The following RNF4 variants were observed in gnomAD, a reference collection of about 807,000 sequenced individuals.
RNF4 encodes ring finger protein 4, also known as E3 ubiquitin-protein ligase RNF4.
RNF4 carries 7 observed loss-of-function variants against 24.3 expected under a neutral mutation model. The observed-to-expected ratio is 0.29, with a 90% confidence interval of 0.16 to 0.54. The LOEUF (loss-of-function observed/expected upper bound fraction) is 0.54. Ranked by LOEUF, RNF4 falls within the 20% of genes least tolerant of loss-of-function variation. The pLI, the probability that RNF4 is intolerant of heterozygous loss-of-function variation, is 0.95. For missense variants in RNF4, 209 were observed against 248.5 expected (o/e 0.84, Z 1.07); for synonymous variants, 83 against 84.3 (o/e 0.98, Z 0.09).
chr4:2,485,207 T>G (rs1013365327), intron 1 of RNF4, among the ~76,000 whole-genome samples: 10 of 152,192 alleles, frequency 6.6e-5, no homozygotes, highest in African/African-American at 2.4e-4. Flanking sequence ...CTTGCTTAGG[T>G]CACCAGCGTC....
At chr4:2,482,756 T>C (rs1438683496) in intron 1 of RNF4, among the ~76,000 whole-genome samples, 1 of 152,206 alleles carries the variant, frequency 6.6e-6, no homozygotes, top group Non-Finnish European at 1.5e-5. Flanking sequence ...TCTGCTTTGA[T>C]CAAATTCATT....
rs552296430 is a variant in RNF4, at chr4:2,478,246, G to A, written c.-158+8988G>A. On this transcript the variant is annotated intron_variant, in intron 1 of 7. Transcript: ENST00000314289. ...AGTTAAAGGCATTCAGTTTTATAAG[G>A]GAAGCAGAGCATAAAAGTTTGGAAA... 2.7e-4 allele frequency among the ~76,000 whole-genome samples: 41 copies of A among 152,294 alleles called. No individual in the cohort carries two copies. The South Asian group carries it at 4.1e-3, about 15-fold the overall frequency.
At chr4:2,511,894 T>A (rs1460658439) in intron 4 of RNF4, 62 bp from the exon 5 acceptor site, 1 of 1,535,542 alleles carries the variant, frequency 6.5e-7, no homozygotes, top group African/African-American at 1.4e-5. Context: ...AATGGCTTCG[T>A]TTATCACTTA....
At chr4:2,490,730 A>G (rs1186263865) in intron 2 of RNF4, 13 of 480,856 alleles carry the variant, frequency 2.7e-5, no homozygotes, top group Non-Finnish European at 7.5e-6. Flanking sequence ...GCTGAGAAGG[A>G]ATAGCTTAGG....
At chr4:2,488,384 A>G (rs970398836) in intron 1 of RNF4, among the ~76,000 whole-genome samples, 2 of 152,136 alleles carry the variant, frequency 1.3e-5, no homozygotes, top group African/African-American at 4.8e-5. Context: ...AATCACTTGA[A>G]CCTGGGAGGT....
intron 2 of RNF4, chr4:2,494,579 T>A (rs1296786279): frequency 1.3e-5 from 2 of 151,934 alleles, no homozygotes; most frequent in Admixed American, 6.6e-5. Flanking sequence ...ATGGGGTTTC[T>A]ACGTGTTAGC....
chr4:2,507,463 G>A (rs1367589601), intron 4 of RNF4, among the ~76,000 whole-genome samples: 1 of 152,368 alleles, frequency 6.6e-6, no homozygotes, highest in Non-Finnish European at 1.5e-5. Flanking sequence ...TGCATGATGT[G>A]TGTAGCTGTT....
At chr4:2,482,491 T>G (rs1475146947) in intron 1 of RNF4, among the ~76,000 whole-genome samples, 1 of 152,188 alleles carries the variant, frequency 6.6e-6, no homozygotes, top group Non-Finnish European at 1.5e-5. Context: ...GAGTGGATCC[T>G]TAGGTTTCCT....
intron 1 of RNF4, among the ~76,000 whole-genome samples, chr4:2,477,477 T>G (rs1417000352): frequency 6.6e-6 from 1 of 152,052 alleles, no homozygotes; most frequent in Non-Finnish European, 1.5e-5. Context: ...TCCAGCTACT[T>G]GGGAGGCTGA....
rs116953145 is a variant in RNF4 at position 2,501,078 on chromosome 4, G to C, written c.204+340G>C. Among the ~76,000 whole-genome samples, 7 of 152,334 alleles carry C rather than the reference G, an allele frequency of 4.6e-5. No homozygotes were observed. The East Asian group carries it at 1.3e-3, about 29-fold the overall frequency. On this transcript the variant is annotated intron_variant, in intron 4 of 7. Transcript: ENST00000314289. The stretch of plus-strand genomic sequence containing the variant: ...GGAGAATCTCAAGACCCCCACATCT[G>C]TCTTCAGTCCCTGATTCCACAGTTT...
chr4:2,487,256 A>G (rs1013471189), intron 1 of RNF4, among the ~76,000 whole-genome samples: 2 of 151,932 alleles, frequency 1.3e-5, no homozygotes, highest in African/African-American at 4.8e-5. Flanking sequence ...ACAAGTGTGC[A>G]CCGTCACATC....
intron 1 of RNF4, among the ~76,000 whole-genome samples, chr4:2,489,613 C>T (rs888179029): frequency 1.3e-5 from 2 of 152,152 alleles, no homozygotes; most frequent in Non-Finnish European, 2.9e-5. Context: ...CCACTAGCAC[C>T]CAGCAGTGGG....
intron 4 of RNF4, among the ~76,000 whole-genome samples, chr4:2,507,628 C>T (rs1444824637): frequency 6.6e-6 from 1 of 152,124 alleles, no homozygotes; most frequent in Non-Finnish European, 1.5e-5. Context: ...AGGGGCCAGC[C>T]TGAGTGCACG....
chr4:2,482,470 G>A (rs563265840), intron 1 of RNF4, among the ~76,000 whole-genome samples: 5 of 152,296 alleles, frequency 3.3e-5, no homozygotes, highest in African/African-American at 7.2e-5. Flanking sequence ...TCTGCCCCTC[G>A]GCCTCCGGAG....
chr4:2,470,414 G>C (rs1734866870), intron 1 of RNF4, among the ~76,000 whole-genome samples: 1 of 152,220 alleles, frequency 6.6e-6, no homozygotes, highest in South Asian at 2.1e-4. Context: ...AGTTTTATCT[G>C]TGAGTTTGAG....
At chr4:2,483,985 C>T (rs1021914356) in intron 1 of RNF4, among the ~76,000 whole-genome samples, 1 of 136,904 alleles carries the variant, frequency 7.3e-6, no homozygotes, top group African/African-American at 2.7e-5. Flanking sequence ...CACCACCACA[C>T]CCAGCTAATT....
intron 1 of RNF4, among the ~76,000 whole-genome samples, chr4:2,479,162 A>G (rs1468048652): frequency 6.6e-6 from 1 of 152,154 alleles, no homozygotes; most frequent in Non-Finnish European, 1.5e-5. Context: ...AATTTCTCCC[A>G]TTTGGAATGG....
chr4:2,470,453 T>C (rs994152088), intron 1 of RNF4, among the ~76,000 whole-genome samples: 2 of 152,252 alleles, frequency 1.3e-5, no homozygotes, highest in African/African-American at 4.8e-5. Context: ...AGTAGCAAGA[T>C]ATATTGCTGG....
At chr4:2,500,799 C>A in intron 4 of RNF4, 61 bp downstream of exon 4, 1 of 1,496,048 alleles carries the variant, frequency 6.7e-7, no homozygotes, top group Non-Finnish European at 9.3e-7. Flanking sequence ...CCAGTGCCAG[C>A]ATCTGACAGC....
Sources: allele counts gnomAD v4.1 joint callset (sites outside exome capture counted in the v4.1 genomes callset), GRCh38; gene constraint gnomAD v4.1.1; transcripts MANE v1.5; gene names NCBI Gene and HGNC (gene_info 2026-07-23, HGNC 2026-07-21).